Variants in SP140L observed in about 807,000 individuals in gnomAD.
SP140L encodes the protein SP140 like nuclear body protein.
Under a neutral mutation model 84.3 loss-of-function variants are expected in SP140L, and 64 were observed. The observed-to-expected ratio is 0.76, with a 90% CI of 0.62 to 0.94. The LOEUF is 0.94. SP140L is among the 40% of genes least tolerant of loss of function. The probability of loss-of-function intolerance (pLI) is 0.00; values close to 1 mark genes in which losing one functional copy is unlikely to be tolerated. For synonymous variants in SP140L, 242 were observed against 236.9 expected (o/e 1.02, Z -0.20); for missense variants, 628 against 692.5 (o/e 0.91, Z 1.05).
chr2:230,370,273 C>T (rs1159367603), intron 5 of SP140L, among the ~76,000 whole-genome samples: 2 of 152,138 alleles, frequency 1.3e-5, no homozygotes, highest in East Asian at 1.9e-4. Flanking sequence ...GAGAGCACTT[C>T]ACCTTGGCTC....
At chr2:230,365,240 T>C (rs181615746) in intron 5 of SP140L, among the ~76,000 whole-genome samples, 80 of 152,216 alleles carry the variant, frequency 5.3e-4, no homozygotes, top group Middle Eastern at 3.4e-3. Flanking sequence ...ATTTATTATT[T>C]AAATGTTTGG....
intron 14 of SP140L, among the ~76,000 whole-genome samples, chr2:230,397,668 T>C (rs1298147164): frequency 6.6e-6 from 1 of 152,164 alleles, no homozygotes; most frequent in South Asian, 2.1e-4. Flanking sequence ...AGGACTCACA[T>C]AGAATATCAT....
Position 230,370,954 on chromosome 2 carries a change from A to G in SP140L, c.570A>G (p.Ala190=), listed in dbSNP as rs751772067. ...AAGCAAGGAAGGAAAGTGACCAAGC[A>G]TGTGGCAAAATGGGTAAGGCTGCCT... The part of the protein sequence containing the change: ...SPEARKESDQ[A]CGKMDTVDIA... The change falls in exon 6 of 19, where the codon GCA becomes GCG. Residue 190 remains alanine, a synonymous_variant. Transcript: ENST00000415673. 7.4e-6 allele frequency: 12 copies of G among 1,613,714 alleles called. No homozygotes were observed. The South Asian group carries it at 1.3e-4, about 18-fold the overall frequency.
At chr2:230,388,654 G>T in intron 10 of SP140L, 21 bp downstream of exon 10, 1 of 1,577,720 alleles carries the variant, frequency 6.3e-7, no homozygotes, top group Non-Finnish European at 8.6e-7. Flanking sequence ...AAAGAGGAAT[G>T]CACTTTCAAT....
At position 230,343,303 on chromosome 2, in the gene SP140L, C is replaced by G. The variant is rs550528178; in HGVS notation, c.107+14472C>G. On this transcript the variant is annotated intron_variant, in intron 2 of 18. Transcript: ENST00000415673. ...ATGTGTTCATGTGTTCTCAACATTC[C>G]GCTCCCACTTATAAGTTAGAACATG... Among the ~76,000 whole-genome samples, 63 of 147,502 alleles carry G rather than the reference C, an allele frequency of 4.3e-4. 7 individuals are homozygous for G. Among genetic ancestry groups the G allele is most frequent in the Non-Finnish European group, 1.5e-4 (10 of 66,672 alleles).
At chr2:230,379,261 G>T (rs932864815) in intron 7 of SP140L, among the ~76,000 whole-genome samples, 1 of 151,942 alleles carries the variant, frequency 6.6e-6, no homozygotes, top group East Asian at 1.9e-4. Flanking sequence ...CTGTGGTAGT[G>T]TTGACCATTC....
chr2:230,363,137 A>T (rs1236810795), intron 5 of SP140L, among the ~76,000 whole-genome samples: 1 of 152,200 alleles, frequency 6.6e-6, no homozygotes, highest in Non-Finnish European at 1.5e-5. Flanking sequence ...GCCCCATCAT[A>T]ACTGTAGGAG....
At chr2:230,368,809 A>G (rs1005834528) in intron 5 of SP140L, among the ~76,000 whole-genome samples, 1 of 152,180 alleles carries the variant, frequency 6.6e-6, no homozygotes, top group Non-Finnish European at 1.5e-5. Context: ...TTTTAAAAAT[A>G]ATTTCAATCT....
chr2:230,368,704 T>G (rs2060963124), intron 5 of SP140L, among the ~76,000 whole-genome samples: 1 of 152,200 alleles, frequency 6.6e-6, no homozygotes, highest in South Asian at 2.1e-4. Flanking sequence ...GAGTTCAAAT[T>G]CTTTCCTCTA....
Position 230,338,749 on chromosome 2 carries a change from A to G in SP140L, c.107+9918A>G, listed in dbSNP as rs1250727383. Among the ~76,000 whole-genome samples the G allele has an allele frequency of 3.0e-5, 4 of 134,812 alleles. 1 individual carries two copies. The highest frequency in any genetic ancestry group is 5.9e-5 in the African/African-American group (2 of 34,112). The allele number at this position is 134,812 out of a possible 152,430, so 88.4% of individuals were successfully genotyped here. On this transcript the variant is annotated intron_variant, in intron 2 of 18. Transcript: ENST00000415673. ...AAAGGCTTTTTCTGCATCTATTGAG[A>G]TAATCATGTGGTTTTTGTCTTTGGC...
At position 230,370,860 on chromosome 2, in the gene SP140L, G is replaced by A. The variant is rs531103221; in HGVS notation, c.524-48G>A. 1.8e-4 allele frequency: 293 copies of A among 1,588,828 alleles called. 4 individuals carry two copies. The South Asian group carries it at 2.9e-3, about 16-fold the overall frequency. On this transcript the variant is annotated intron_variant, in intron 5 of 18. Coordinates refer to ENST00000415673, the MANE Select transcript of SP140L (RefSeq NM_138402.6). The stretch of plus-strand genomic sequence containing the variant: ...CACAATTTTGCCCCGGGAGCAGAGC[G>A]ACCAGCATGTGAAAATGAGAAGTGT...
intron 2 of SP140L, among the ~76,000 whole-genome samples, chr2:230,336,958 T>C (rs1219877839): frequency 6.6e-6 from 1 of 152,200 alleles, no homozygotes. Context: ...GCCTGGTGTG[T>C]TGTATTAGTC....
intron 7 of SP140L, among the ~76,000 whole-genome samples, chr2:230,374,413 T>C (rs535166735): frequency 1.3e-5 from 2 of 152,308 alleles, no homozygotes; most frequent in South Asian, 4.1e-4. Context: ...TATGGATGAT[T>C]AAAGAAAGTG....
At chr2:230,336,086 A>C (rs2059870480) in intron 2 of SP140L, among the ~76,000 whole-genome samples, 1 of 152,208 alleles carries the variant, frequency 6.6e-6, no homozygotes, top group South Asian at 2.1e-4. Flanking sequence ...GGAAATGGGC[A>C]GGCAGTTCCC....
intron 4 of SP140L, 69 bp downstream of exon 4, chr2:230,359,201 T>C (rs921307823): frequency 7.3e-7 from 1 of 1,364,886 alleles, no homozygotes; most frequent in Non-Finnish European, 1.0e-6. Context: ...ATGTTTGAGC[T>C]CCTACCATGT....
intron 9 of SP140L, among the ~76,000 whole-genome samples, chr2:230,386,751 T>G (rs2149800116): frequency 6.6e-6 from 1 of 152,258 alleles, no homozygotes; most frequent in East Asian, 1.9e-4. Context: ...CTAAACAGAT[T>G]TAATGAAAGC....
intron 8 of SP140L, among the ~76,000 whole-genome samples, chr2:230,384,466 A>G (rs1484709253): frequency 6.6e-6 from 1 of 152,202 alleles, no homozygotes; most frequent in African/African-American, 2.4e-5. Flanking sequence ...GTGGATCTGT[A>G]TAGTAAGATT....
intron 5 of SP140L, among the ~76,000 whole-genome samples, chr2:230,366,431 T>C (rs2060872148): frequency 6.6e-6 from 1 of 152,048 alleles, no homozygotes; most frequent in African/African-American, 2.4e-5. Context: ...GATATAAGTA[T>C]AGCTACTCCT....
chr2:230,363,024 T>C (rs896752371), intron 5 of SP140L, among the ~76,000 whole-genome samples: 2 of 152,018 alleles, frequency 1.3e-5, no homozygotes, highest in Admixed American at 1.3e-4. Context: ...GGACAAGACA[T>C]CCAGGGCTTA....
Sources: gnomAD v4.1 joint callset for allele counts (sites outside exome capture counted in the v4.1 genomes callset) on GRCh38, gnomAD v4.1.1 for gene constraint, MANE v1.5 for transcripts, NCBI Gene and HGNC (gene_info 2026-07-23, HGNC 2026-07-21) for gene names.